The following CSGALNACT1 variants were observed in gnomAD, a reference collection of about 807,000 sequenced individuals.
The protein encoded by CSGALNACT1 is chondroitin sulfate N-acetylgalactosaminyltransferase 1, also known as beta4GalNAcT-1.
In CSGALNACT1, 52 loss-of-function variants were observed where a neutral mutation model predicts 51.0. That is an observed-to-expected ratio of 1.02 (90% CI 0.82 to 1.29). The LOEUF (loss-of-function observed/expected upper bound fraction) is 1.29. Among genes scored for constraint, CSGALNACT1 ranks in the 50% most tolerant of loss-of-function variants. The probability of loss-of-function intolerance (pLI) is 0.00; values close to 1 mark genes in which losing one functional copy is unlikely to be tolerated. For missense variants in CSGALNACT1, 935 were observed against 679.2 expected (o/e 1.38, Z -4.19); for synonymous variants, 341 against 254.4 (o/e 1.34, Z -3.24).
At chr8:19,684,332 A>G (rs961115690), upstream of CSGALNACT1, among the ~76,000 whole-genome samples, 8 of 152,214 alleles carry the variant, frequency 5.3e-5, no homozygotes, top group African/African-American at 1.7e-4. Context: ...GTTCATTGAC[A>G]AAGGTATTGA....
At chr8:19,582,193 A>C (rs921722086) in intron 3 of CSGALNACT1, among the ~76,000 whole-genome samples, 32 of 152,216 alleles carry the variant, frequency 2.1e-4, no homozygotes, top group African/African-American at 7.5e-4. Flanking sequence ...ATATTCCTCC[A>C]TTCACTGGGA....
At chr8:19,514,475 C>CTATATGTATATATATATA (rs2079086512) in intron 3 of CSGALNACT1, among the ~76,000 whole-genome samples, 2 of 78,782 alleles carry the variant, frequency 2.5e-5, no homozygotes, top group African/African-American at 1.2e-4. Context: ...TGAACAGAGA[C>CTATATGTATATATATATA]TATATATATA....
intron 3 of CSGALNACT1, among the ~76,000 whole-genome samples, chr8:19,545,235 T>G (rs1412382276): frequency 6.6e-6 from 1 of 152,164 alleles, no homozygotes; most frequent in Non-Finnish European, 1.5e-5. Flanking sequence ...ATACTTGGTA[T>G]CTCCTACTGT....
intron 4 of CSGALNACT1, among the ~76,000 whole-genome samples, chr8:19,461,415 T>C (rs373004558): frequency 6.8e-4 from 101 of 149,456 alleles, no homozygotes; most frequent in African/African-American, 2.3e-3. Flanking sequence ...CCATGGAGGG[T>C]GTATCCACAC....
intron 3 of CSGALNACT1, among the ~76,000 whole-genome samples, chr8:19,508,719 G>C (rs964501717): frequency 6.6e-6 from 1 of 152,214 alleles, no homozygotes; most frequent in South Asian, 2.1e-4. Flanking sequence ...AAATGGAGTA[G>C]TCAACACATT....
intron 4 of CSGALNACT1, among the ~76,000 whole-genome samples, chr8:19,468,571 G>C (rs80207706): frequency 0.016 from 2,412 of 152,232 alleles, 27 homozygotes; most frequent in South Asian, 0.027. Flanking sequence ...GAGCAACAAG[G>C]AAAGAACCAC....
chr8:19,407,575 A>C (rs1047225677), intron 9 of CSGALNACT1, among the ~76,000 whole-genome samples: 1 of 152,188 alleles, frequency 6.6e-6, no homozygotes, highest in African/African-American at 2.4e-5. Flanking sequence ...CAAGGGGGAC[A>C]GGAGGCCTCT....
chr8:19,458,287 T>G (rs556605315), intron 5 of CSGALNACT1, 139 bp downstream of exon 4: 5 of 841,158 alleles, frequency 5.9e-6, no homozygotes, highest in Non-Finnish European at 8.3e-6. Flanking sequence ...ATGATAAACT[T>G]TACGTGGAGA....
intron 3 of CSGALNACT1, among the ~76,000 whole-genome samples, chr8:19,548,039 G>A (rs2086905732): frequency 6.6e-6 from 1 of 152,166 alleles, no homozygotes; most frequent in Admixed American, 6.6e-5. Context: ...TTAACTCTGT[G>A]AGGTTGAAAG....
intron 4 of CSGALNACT1, among the ~76,000 whole-genome samples, chr8:19,476,283 A>T (rs982108300): frequency 6.6e-5 from 10 of 152,232 alleles, no homozygotes; most frequent in Admixed American, 3.3e-4. Context: ...CTTGTTGCCT[A>T]GGTAGAGTTC....
chr8:19,446,855 GT>G (rs1172684720), intron 5 of CSGALNACT1, among the ~76,000 whole-genome samples: 1 of 151,970 alleles, frequency 6.6e-6, no homozygotes, highest in African/African-American at 2.4e-5. Context: ...TTTTTAGGAT[GT>G]TTTTTCTTAA....
chr8:19,462,057 G>A (rs1445228797), intron 4 of CSGALNACT1, among the ~76,000 whole-genome samples: 2 of 152,114 alleles, frequency 1.3e-5, no homozygotes, highest in Admixed American at 6.5e-5. Context: ...TATCTGCACA[G>A]CGGCCACATT....
At chr8:19,447,550 G>A (rs2062354587) in intron 5 of CSGALNACT1, among the ~76,000 whole-genome samples, 1 of 152,168 alleles carries the variant, frequency 6.6e-6, no homozygotes, top group African/African-American at 2.4e-5. Flanking sequence ...ACTAACTATT[G>A]TGGGAGGTGC....
intron 1 of CSGALNACT1, among the ~76,000 whole-genome samples, chr8:19,732,824 G>T (rs561761142): frequency 6.6e-6 from 1 of 152,300 alleles, no homozygotes; most frequent in African/African-American, 2.4e-5. Flanking sequence ...TTTAATTGTT[G>T]TTGTGGTTTT....
At chr8:19,425,726 C>A (rs1462842032) in intron 6 of CSGALNACT1, among the ~76,000 whole-genome samples, 1 of 152,188 alleles carries the variant, frequency 6.6e-6, no homozygotes, top group Non-Finnish European at 1.5e-5. Context: ...AAATAAAACT[C>A]GGATAGACTG....
intron 1 of CSGALNACT1, among the ~76,000 whole-genome samples, chr8:19,708,488 A>G (rs994943454): frequency 3.3e-5 from 5 of 152,216 alleles, no homozygotes; most frequent in Non-Finnish European, 5.9e-5. Flanking sequence ...CTGTCCTCAC[A>G]AGCCAACCAA....
intron 6 of CSGALNACT1, among the ~76,000 whole-genome samples, chr8:19,422,377 T>C (rs917000609): frequency 1.3e-5 from 2 of 152,106 alleles, no homozygotes; most frequent in African/African-American, 2.4e-5. Context: ...AAATTTTTTA[T>C]AGAGACAGAG....
chr8:19,459,140 C>G (rs1168357818), intron 4 of CSGALNACT1, among the ~76,000 whole-genome samples: 1 of 152,098 alleles, frequency 6.6e-6, no homozygotes, highest in Non-Finnish European at 1.5e-5. Context: ...AAACCCAGTA[C>G]TTTGAGAGAC....
intron 3 of CSGALNACT1, among the ~76,000 whole-genome samples, chr8:19,590,833 T>G (rs750051075): frequency 4.6e-5 from 7 of 151,948 alleles, no homozygotes; most frequent in Non-Finnish European, 1.0e-4. Context: ...GTATTTTTAG[T>G]AGAGACGGGG....
Sources: allele counts gnomAD v4.1 joint callset (sites outside exome capture counted in the v4.1 genomes callset), GRCh38; gene constraint gnomAD v4.1.1; transcripts MANE v1.5; gene names NCBI Gene and HGNC (gene_info 2026-07-23, HGNC 2026-07-21).